Variants in ADA2 observed in about 807,000 individuals in gnomAD.
ADA2 encodes the protein adenosine deaminase 2.
Under a neutral mutation model 44.2 loss-of-function variants are expected in ADA2, and 29 were observed. The ratio of observed to expected loss-of-function variants is 0.66; its 90% CI spans 0.49 to 0.89. The LOEUF is 0.89. Among genes scored for constraint, ADA2 ranks in the 40% least tolerant of loss-of-function variants. The pLI, the probability that ADA2 is intolerant of heterozygous loss-of-function variation, is 0.00. For synonymous variants in ADA2, 215 were observed against 234.9 expected (o/e 0.92, Z 0.77); for missense variants, 637 against 644.8 (o/e 0.99, Z 0.13).
intron 1 of ADA2, chr22:17,214,156 T>C (rs930825442): frequency 9.9e-6 from 7 of 704,964 alleles, no homozygotes; most frequent in Admixed American, 2.0e-5. Context: ...CTGGACGAAA[T>C]AGCCGCCTGC....
intron 1 of ADA2, among the ~76,000 whole-genome samples, chr22:17,212,270 A>C (rs2062427232): frequency 6.6e-6 from 1 of 150,416 alleles, no homozygotes; most frequent in African/African-American, 2.5e-5. Context: ...CAGGTGATCC[A>C]CCAGACTCGG....
intron 1 of ADA2, among the ~76,000 whole-genome samples, chr22:17,218,612 A>T (rs2062495182): frequency 6.6e-6 from 1 of 152,012 alleles, no homozygotes; most frequent in South Asian, 2.1e-4. Flanking sequence ...CAAGCTCCCA[A>T]ATCTTCAACT....
chr22:17,209,742 G>A lies in ADA2; in HGVS notation c.-46-19C>T. Reference sequence around the variant, plus strand: ...CACGGGACTGCAAAGGAGAGTGGGGGAGTGAAAACCTACAGATTTAAGGGT... The same window carrying A: ...CACGGGACTGCAAAGGAGAGTGGGGAAGTGAAAACCTACAGATTTAAGGGT... On this transcript the variant is annotated intron_variant, in intron 1 of 9. Transcript: ENST00000399837. 2 of 1,312,740 alleles carry A rather than the reference G, an allele frequency of 1.5e-6. No homozygotes were observed. Among genetic ancestry groups the A allele is most frequent in the East Asian group, 4.7e-5 (2 of 42,248 alleles). 81.3% of individuals were successfully genotyped at this position (1,312,740 alleles called of 1,614,324 possible).
At chr22:17,216,502 C>G (rs1476308237) in intron 1 of ADA2, among the ~76,000 whole-genome samples, 2 of 152,106 alleles carry the variant, frequency 1.3e-5, no homozygotes, top group Non-Finnish European at 2.9e-5. Context: ...CATGGTGGCT[C>G]ATGCCTGTAA....
chr22:17,214,098 C>A, intron 1 of ADA2: 2 of 654,508 alleles, frequency 3.1e-6, no homozygotes, highest in Non-Finnish European at 5.6e-6. Context: ...TGGAGGACTT[C>A]AACAGACACC....
chr22:17,218,576 C>T (rs745811854), intron 1 of ADA2, among the ~76,000 whole-genome samples: 40 of 152,100 alleles, frequency 2.6e-4, no homozygotes, highest in Non-Finnish European at 4.6e-4. Flanking sequence ...GTCCCTGTCT[C>T]CCTGGTGACA....
At chr22:17,198,528 G>A (rs553719659) in intron 4 of ADA2, 3 of 152,240 alleles carry the variant, frequency 2.0e-5, no homozygotes, top group Non-Finnish European at 4.4e-5. Context: ...TGAATGAAAG[G>A]TCTGCTAAGA....
At chr22:17,192,413 T>C (rs1378995158) in intron 4 of ADA2, among the ~76,000 whole-genome samples, 2 of 152,136 alleles carry the variant, frequency 1.3e-5, no homozygotes, top group African/African-American at 4.8e-5. Context: ...TCCCCACTGC[T>C]TCCCTAACTC....
chr22:17,201,218 G>A lies in ADA2; in HGVS notation c.753+2345C>T, dbSNP rs1020121225. Among the ~76,000 whole-genome samples the A allele has an allele frequency of 4.6e-5, 7 of 151,596 alleles. No homozygotes were observed. The South Asian group carries it at 8.3e-4, about 18-fold the overall frequency. Reference sequence around the variant, plus strand: ...AAATTCTGTCAAAAAAAAAAAAGAAGAAGAAGAAAGAAAAGAAAAGAGGAG... The same window carrying A: ...AAATTCTGTCAAAAAAAAAAAAGAAAAAGAAGAAAGAAAAGAAAAGAGGAG... On this transcript the variant is annotated intron_variant, in intron 4 of 9. Transcript: ENST00000399837.
chr22:17,209,668 C>A lies in ADA2; in HGVS notation c.10G>T (p.Asp4Tyr), dbSNP rs370257828. 6.2e-7 allele frequency: 1 copy of A among 1,611,872 alleles called. No individual in the cohort carries two copies. The highest frequency in any genetic ancestry group is 8.5e-7 in the Non-Finnish European group (1 of 1,179,266). ...AGGGCTGGCCGCTCAGATGGGCCAT[C>A]CACCAACATCGGGATGCCTGGACTA... The part of the protein sequence containing the change: MLV[D>Y]GPSERPALCF... The change falls in exon 2 of 10, where the codon GAT becomes TAT. Residue 4 changes from aspartate to tyrosine, a missense_variant. Coordinates refer to ENST00000399837, the MANE Select transcript of ADA2 (RefSeq NM_001282225.2).
chr22:17,199,420 C>CCCTCCCCTCCTCTATCCTCTTCCCCT, intron 4 of ADA2: 1 of 928,398 alleles, frequency 1.1e-6, no homozygotes, highest in Non-Finnish European at 1.8e-6. Context: ...AGCGTCTCCT[C>CCCTCCCCTCCTCTATCCTCTTCCCCT]CCTCCCCTCC....
At chr22:17,200,363 T>C (rs530316719) in intron 4 of ADA2, among the ~76,000 whole-genome samples, 1 of 152,324 alleles carries the variant, frequency 6.6e-6, no homozygotes, top group African/African-American at 2.4e-5. Flanking sequence ...AAGGATGATT[T>C]GTGTCCTGTG....
chr22:17,211,975 GAAAC>G (rs1055232158), intron 1 of ADA2, among the ~76,000 whole-genome samples: 12 of 151,958 alleles, frequency 7.9e-5, no homozygotes, highest in African/African-American at 2.9e-4. Context: ...AAATAGCAAA[GAAAC>G]AATTAACAGA....
chr22:17,191,187 G>A (rs2062109868), intron 5 of ADA2, among the ~76,000 whole-genome samples: 1 of 152,218 alleles, frequency 6.6e-6, no homozygotes, highest in Non-Finnish European at 1.5e-5. Flanking sequence ...GGGAAAAAGA[G>A]TGGGTCTTTC....
chr22:17,196,323 C>CAAAAAAA (rs34561761), intron 4 of ADA2, among the ~76,000 whole-genome samples: 1 of 86,886 alleles, frequency 1.2e-5, no homozygotes, highest in Non-Finnish European at 2.2e-5. Flanking sequence ...AACTCCATCC[C>CAAAAAAA]AAAAAAAAAA....
chr22:17,186,603 T>A (rs1240460050), intron 7 of ADA2, among the ~76,000 whole-genome samples: 1 of 146,272 alleles, frequency 6.8e-6, no homozygotes, highest in African/African-American at 2.6e-5. Flanking sequence ...TTTCCGTGGC[T>A]CAAGCCTGTA....
Position 17,209,411 on chromosome 22 carries a change from G to A in ADA2, c.267C>T (p.Ala89=). ...CTTGACTTCTCTCAATGAGATGCTT[G>A]GCCTGGAAAAAGTGCATGCTGGGTG... The part of the protein sequence containing the change: ...IFPPSMHFFQ[A]KHLIERSQVF... The change falls in exon 2 of 10, where the codon GCC becomes GCT. Residue 89 remains alanine, a synonymous_variant. Transcript: ENST00000399837. 6.2e-7 allele frequency: 1 copy of A among 1,614,032 alleles called. No individual in the cohort carries two copies. The highest frequency in any genetic ancestry group is 1.1e-5 in the South Asian group (1 of 91,054).
chr22:17,213,049 C>T (rs115034209), intron 1 of ADA2, among the ~76,000 whole-genome samples: 1,656 of 151,692 alleles, frequency 0.011, 35 homozygotes, highest in African/African-American at 0.039. Flanking sequence ...CTCTACCTCC[C>T]GACATTCTGG....
At chr22:17,212,171 C>T (rs182119148) in intron 1 of ADA2, among the ~76,000 whole-genome samples, 1 of 151,854 alleles carries the variant, frequency 6.6e-6, no homozygotes, top group East Asian at 2.0e-4. Flanking sequence ...ATTACAGACA[C>T]GTGCCACCAC....
Sources: allele counts gnomAD v4.1 joint callset (sites outside exome capture counted in the v4.1 genomes callset), GRCh38; gene constraint gnomAD v4.1.1; transcripts MANE v1.5; gene names NCBI Gene and HGNC (gene_info 2026-07-23, HGNC 2026-07-21).